Variants in SMOC2 observed in about 807,000 individuals in gnomAD.
SMOC2 encodes SPARC related modular calcium binding 2, also known as SPARC-related modular calcium-binding protein 2.
In SMOC2, 39 loss-of-function variants were observed where a neutral mutation model predicts 61.4. The ratio of observed to expected loss-of-function variants is 0.64; its 90% CI spans 0.49 to 0.83. SMOC2 has a LOEUF of 0.83. SMOC2 is among the 40% of genes least tolerant of loss of function. The pLI, the probability that SMOC2 is intolerant of heterozygous loss-of-function variation, is 0.00. For synonymous variants in SMOC2, 247 were observed against 239.9 expected, an observed-to-expected ratio of 1.03 and a Z score of -0.27; for missense variants, 556 against 592.9, an observed-to-expected ratio of 0.94 and a Z score of 0.65.
intron 1 of SMOC2, among the ~76,000 whole-genome samples, chr6:168,442,362 G>A (rs1396548811): frequency 6.6e-6 from 1 of 152,236 alleles, no homozygotes; most frequent in Non-Finnish European, 1.5e-5. Flanking sequence ...TATGTAGAGG[G>A]GGCTGAGCCA....
intron 9 of SMOC2, among the ~76,000 whole-genome samples, chr6:168,640,815 G>A (rs1786875652): frequency 6.6e-6 from 1 of 152,166 alleles, no homozygotes; most frequent in Non-Finnish European, 1.5e-5. Context: ...CTTTTGACTT[G>A]AAAGCATTTC....
At chr6:168,529,930 A>G (rs1233515540) in intron 4 of SMOC2, among the ~76,000 whole-genome samples, 2 of 152,234 alleles carry the variant, frequency 1.3e-5, no homozygotes, top group African/African-American at 4.8e-5. Context: ...TTGGGGGTTC[A>G]CGGAGAAGTC....
At chr6:168,496,415 G>A (rs955722882) in intron 1 of SMOC2, among the ~76,000 whole-genome samples, 15 of 152,184 alleles carry the variant, frequency 9.9e-5, no homozygotes, top group East Asian at 3.9e-4. Flanking sequence ...GCAAATGAGC[G>A]ACTGTCTTCA....
intron 9 of SMOC2, among the ~76,000 whole-genome samples, chr6:168,628,870 T>A (rs887781979): frequency 6.6e-6 from 1 of 152,216 alleles, no homozygotes; most frequent in Non-Finnish European, 1.5e-5. Flanking sequence ...GAGACCACTC[T>A]TCTCGGAACA....
intron 7 of SMOC2, among the ~76,000 whole-genome samples, chr6:168,567,010 C>T (rs556367013): frequency 7.2e-5 from 11 of 152,260 alleles, no homozygotes; most frequent in African/African-American, 2.4e-4. Flanking sequence ...TCTAACCTCG[C>T]ATTTTTATAG....
intron 7 of SMOC2, among the ~76,000 whole-genome samples, chr6:168,595,197 G>T (rs1354390604): frequency 7.7e-3 from 69 of 8,972 alleles, no homozygotes; most frequent in African/African-American, 0.017. Context: ...GGCCTCACGA[G>T]GGGCATCTTT....
chr6:168,549,322 G>GCA, intron 7 of SMOC2, 119 bp downstream of exon 7: 1 of 866,326 alleles, frequency 1.2e-6, no homozygotes, highest in Non-Finnish European at 1.9e-6. Context: ...ATGGGGGTGA[G>GCA]GGGTGCAGAC....
At chr6:168,466,951 G>A (rs1781848402) in intron 1 of SMOC2, among the ~76,000 whole-genome samples, 1 of 152,122 alleles carries the variant, frequency 6.6e-6, no homozygotes, top group South Asian at 2.1e-4. Flanking sequence ...TCTGAGCTCT[G>A]CCCACAGGAT....
chr6:168,587,382 G>A (rs934010366), intron 7 of SMOC2, among the ~76,000 whole-genome samples: 13 of 152,166 alleles, frequency 8.5e-5, no homozygotes, highest in African/African-American at 2.2e-4. Flanking sequence ...ACATGGCCTC[G>A]GGAGGTCCTA....
rs575864504 is a variant in SMOC2 at position 168,518,515 on chromosome 6, ATGTGCATG to A, written c.257-7826_257-7819del. Among the ~76,000 whole-genome samples the A allele has an allele frequency of 1.9e-3, 280 of 145,546 alleles. 1 individual carries two copies. The highest frequency in any genetic ancestry group is 7.0e-3 in the African/African-American group (272 of 39,054). The stretch of plus-strand genomic sequence containing the variant: ...AGTGTGCATGTGTGAATGTGTGTAA[ATGTGCATG>A]TGTGGATGTGTGAGAGCGTGTGTAT... On this transcript the variant is annotated intron_variant, in intron 2 of 12. Coordinates refer to ENST00000356284, the MANE Select transcript of SMOC2 (RefSeq NM_001166412.2).
intron 8 of SMOC2, among the ~76,000 whole-genome samples, chr6:168,602,559 G>A (rs1269288015): frequency 1.3e-5 from 2 of 152,214 alleles, no homozygotes; most frequent in Non-Finnish European, 2.9e-5. Context: ...GAGAAAAGGG[G>A]AAGGGACCTG....
chr6:168,573,061 G>T (rs1231213538), intron 7 of SMOC2, among the ~76,000 whole-genome samples: 1 of 93,862 alleles, frequency 1.1e-5, no homozygotes, highest in Admixed American at 9.6e-5. Flanking sequence ...ATCCCCGGGT[G>T]CGGGGACCAG....
chr6:168,513,594 T>C (rs1485954858), intron 2 of SMOC2, among the ~76,000 whole-genome samples: 1 of 152,220 alleles, frequency 6.6e-6, no homozygotes, highest in African/African-American at 2.4e-5. Flanking sequence ...ATTCTAAAAC[T>C]ATGATCAATT....
At chr6:168,580,740 A>T (rs1784901587) in intron 7 of SMOC2, among the ~76,000 whole-genome samples, 1 of 152,080 alleles carries the variant, frequency 6.6e-6, no homozygotes, top group African/African-American at 2.4e-5. Flanking sequence ...ATGAGGTCTT[A>T]GTATGTTGCC....
At chr6:168,624,881 AC>A (rs34721404) in intron 9 of SMOC2, among the ~76,000 whole-genome samples, 2 of 151,904 alleles carry the variant, frequency 1.3e-5, no homozygotes, top group African/African-American at 2.4e-5. Context: ...AAACACACAC[AC>A]AAACACAGAT....
chr6:168,664,055 C>CT lies in SMOC2; in HGVS notation c.1286-9dup, dbSNP rs201253041. 6,464 of 1,370,674 alleles carry CT rather than the reference C, an allele frequency of 4.7e-3. 1 individual carries two copies. Among genetic ancestry groups the CT allele is most frequent in the South Asian group, 5.1e-3 (381 of 75,352 alleles). 84.9% of individuals were successfully genotyped at this position (1,370,674 alleles called of 1,614,324 possible). A position where few individuals can be genotyped will look rare whatever the true frequency, so the allele number is the denominator to read the frequency against. On this transcript the variant is annotated intron_variant, in intron 11 of 12. Coordinates refer to ENST00000356284, the MANE Select transcript of SMOC2 (RefSeq NM_001166412.2). ...ATGAGTCTCTGATTTTTAATAATAT[C>CT]TTTTTTTTTTCCTGCTAGCCCCCAG...
At chr6:168,621,247 C>T (rs1786236839) in intron 9 of SMOC2, among the ~76,000 whole-genome samples, 1 of 152,272 alleles carries the variant, frequency 6.6e-6, no homozygotes, top group South Asian at 2.1e-4. Flanking sequence ...TTTTGAGTTT[C>T]TGTCCTATTT....
chr6:168,616,226 A>G (rs117586808), intron 9 of SMOC2, among the ~76,000 whole-genome samples: 433 of 152,364 alleles, frequency 2.8e-3, no homozygotes, highest in Non-Finnish European at 5.2e-3. Context: ...CTGAGCTGGG[A>G]ACAAAGCTTC....
intron 1 of SMOC2, among the ~76,000 whole-genome samples, chr6:168,506,592 C>T (rs1363737904): frequency 6.6e-6 from 1 of 152,144 alleles, no homozygotes; most frequent in Non-Finnish European, 1.5e-5. Context: ...TTGAGTCTGT[C>T]TGACTGGTTT....
Sources: gnomAD v4.1 joint callset for allele counts (sites outside exome capture counted in the v4.1 genomes callset) on GRCh38, gnomAD v4.1.1 for gene constraint, MANE v1.5 for transcripts, NCBI Gene and HGNC (gene_info 2026-07-23, HGNC 2026-07-21) for gene names.